CAPN1: variants seen among roughly 807,000 people sequenced by gnomAD.
CAPN1 encodes calpain 1, also known as calpain-1 catalytic subunit.
CAPN1 carries 77 observed loss-of-function variants against 105.2 expected under a neutral mutation model. The observed-to-expected ratio is 0.73, with a 90% CI of 0.61 to 0.88. CAPN1 has a LOEUF of 0.88. CAPN1 is among the 40% of genes least tolerant of loss of function. The probability of loss-of-function intolerance (pLI) is 0.00; values close to 1 mark genes in which losing one functional copy is unlikely to be tolerated. For missense variants in CAPN1, 833 were observed against 976.6 expected (o/e 0.85, Z 1.96); for synonymous variants, 355 against 388.8 (o/e 0.91, Z 1.02).
At position 65,206,889 on chromosome 11, in the gene CAPN1, A is replaced by T. The variant is rs1948969514; in HGVS notation, c.1605+70A>T. 4.8e-6 allele frequency: 7 copies of T among 1,451,714 alleles called. No homozygotes were observed. The Admixed American group carries it at 1.2e-4, about 24-fold the overall frequency. The allele number at this position is 1,451,714 out of a possible 1,614,324, so 89.9% of individuals were successfully genotyped here. A position where few individuals can be genotyped will look rare whatever the true frequency, so the allele number is the denominator to read the frequency against. ...ACCCCTGGGTGTGTGATGGGGACCC[A>T]GGTGTCCTGTCCCCTGAGTTCCTGC... is the stretch of plus-strand genomic sequence containing the variant. On this transcript the variant is annotated intron_variant, in intron 14 of 21. Coordinates refer to ENST00000279247, the MANE Select transcript of CAPN1 (RefSeq NM_005186.4).
At chr11:65,194,797 C>T (rs1404685752) in intron 10 of CAPN1, among the ~76,000 whole-genome samples, 3 of 152,162 alleles carry the variant, frequency 2.0e-5, no homozygotes, top group East Asian at 3.9e-4. Flanking sequence ...TGTGTTATTT[C>T]CAGTTTTTGG....
intron 10 of CAPN1, among the ~76,000 whole-genome samples, chr11:65,194,965 C>T (rs1205763438): frequency 6.6e-6 from 1 of 152,104 alleles, no homozygotes; most frequent in Non-Finnish European, 1.5e-5. Flanking sequence ...AAAGCAGCAG[C>T]ACCATTTTAT....
intron 10 of CAPN1, among the ~76,000 whole-genome samples, chr11:65,195,171 G>A (rs565654984): frequency 1.5e-4 from 21 of 143,852 alleles, no homozygotes; most frequent in Non-Finnish European, 2.5e-4. Flanking sequence ...GTGCAGTGGC[G>A]CCATCTCAGC....
At chr11:65,206,756 TC>T in intron 13 of CAPN1, 23 bp from the exon 14 acceptor site, 7 of 1,612,518 alleles carry the variant, frequency 4.3e-6, no homozygotes, top group Non-Finnish European at 5.1e-6. Flanking sequence ...TCTGACTGGC[TC>T]CTTTCCTCCC....
intron 10 of CAPN1, among the ~76,000 whole-genome samples, chr11:65,201,541 G>A (rs573768983): frequency 6.6e-6 from 1 of 151,916 alleles, no homozygotes; most frequent in South Asian, 2.1e-4. Flanking sequence ...TTTTTGAGAC[G>A]GAGTCTCGCT....
rs1035470711 is a variant in CAPN1, at chr11:65,183,548, G to A, written c.412G>A (p.Gly138Ser). The stretch of plus-strand genomic sequence containing the variant: ...CCTCCTGCACCGAGTGGTTCCGCAC[G>A]GCCAGAGCTTCCAGAATGGCTATGC... ...DTLLHRVVPHGQSFQNGYAGI... is the reference protein window; with the variant it reads ...DTLLHRVVPHSQSFQNGYAGI... Residue 138 changes from glycine (G) to serine (S), a missense_variant, in exon 4 of 22, where the codon GGC becomes AGC. Transcript: ENST00000279247. 7.4e-6 allele frequency: 12 copies of A among 1,613,882 alleles called. No individual in the cohort carries two copies. The highest frequency in any genetic ancestry group is 1.0e-5 in the Non-Finnish European group (12 of 1,179,806).
Position 65,208,272 on chromosome 11 carries a change from C to A in CAPN1, c.1729+10C>A. 6.4e-7 allele frequency: 1 copy of A among 1,556,390 alleles called. No individual in the cohort carries two copies. Among genetic ancestry groups the A allele is most frequent in the Non-Finnish European group, 8.7e-7 (1 of 1,149,636 alleles). On this transcript the variant is annotated intron_variant, in intron 16 of 21. Coordinates refer to ENST00000279247, the MANE Select transcript of CAPN1 (RefSeq NM_005186.4). The surrounding 1 kb of genome is among the most constrained non-coding windows in gnomAD (Gnocchi z 4.1). ...AGGATCATCAGCAAACGTGAGTCCC[C>A]GCGGGGCTGTCCCACCACCCCACCA...
intron 4 of CAPN1, among the ~76,000 whole-genome samples, chr11:65,184,614 G>T (rs1368542813): frequency 2.6e-5 from 4 of 152,104 alleles, no homozygotes; most frequent in African/African-American, 9.7e-5. Context: ...AACAAAGCCC[G>T]TGATTGTGAG....
In CAPN1 at chr11:65,183,065, G is replaced by C. The variant is rs928499971; in HGVS notation, c.268-63G>C. The C allele has an allele frequency of 3.5e-5, 57 of 1,609,666 alleles. No individual in the cohort carries two copies. In the South Asian group the frequency reaches 5.4e-4, roughly 15 times the overall value. On this transcript the variant is annotated intron_variant, in intron 2 of 21. Coordinates refer to ENST00000279247, the MANE Select transcript of CAPN1 (RefSeq NM_005186.4). ...GTCCCTGGTGGGGAATGGGGTCTGGGGTGGCCTGGTGCCAATTTCTGGGAG... is the reference window on the plus strand; with the variant it reads ...GTCCCTGGTGGGGAATGGGGTCTGGCGTGGCCTGGTGCCAATTTCTGGGAG...
At chr11:65,197,941 A>C (rs1054455461) in intron 10 of CAPN1, among the ~76,000 whole-genome samples, 1 of 147,004 alleles carries the variant, frequency 6.8e-6, no homozygotes, top group African/African-American at 2.5e-5. Context: ...TTGACTAGAG[A>C]GTTTAGTTCA....
intron 4 of CAPN1, 80 bp from the exon 5 acceptor site, chr11:65,185,837 A>G: frequency 7.0e-7 from 1 of 1,436,676 alleles, no homozygotes. Context: ...AGAATCCTGC[A>G]TCTAGGAAGG....
chr11:65,206,178 A>G lies in CAPN1; in HGVS notation c.1354-285A>G, dbSNP rs1948954433. 1.2e-5 allele frequency: 7 copies of G among 561,194 alleles called. No homozygotes were observed. In the Admixed American group the frequency reaches 1.9e-4, roughly 15 times the overall value. The allele number at this position is 561,194 out of a possible 1,614,324, so 34.8% of individuals were successfully genotyped here. On this transcript the variant is annotated intron_variant, in intron 12 of 21. Coordinates refer to ENST00000279247, the MANE Select transcript of CAPN1 (RefSeq NM_005186.4). ...GTACCCTGCAGTACCTGACCTGGGGAAAGCTCCCAGTGATAATAATGACAG... is the reference window on the plus strand; with the variant it reads ...GTACCCTGCAGTACCTGACCTGGGGGAAGCTCCCAGTGATAATAATGACAG...
intron 10 of CAPN1, among the ~76,000 whole-genome samples, chr11:65,191,118 T>C (rs144437827): frequency 6.6e-6 from 1 of 152,360 alleles, no homozygotes; most frequent in Non-Finnish European, 1.5e-5. Context: ...ATAGACCAAT[T>C]TGGGGAGACT....
chr11:65,204,747 C>G lies in CAPN1; in HGVS notation c.1230C>G (p.Tyr410Ter). The change falls in exon 11 of 22, where the codon TAC becomes TAG. Residue 410 changes from tyrosine to a stop codon, truncating the protein, a stop_gained. Transcript: ENST00000279247. LOFTEE classifies it high-confidence loss of function. ...ATGAGACGGATGACCCGGACGACTACGGGGACCGCGAGTCAGGCTGCAGCT... is the reference window on the plus strand; with the variant it reads ...ATGAGACGGATGACCCGGACGACTAGGGGGACCGCGAGTCAGGCTGCAGCT... The part of the protein sequence containing the change: ...RLDETDDPDD[Y>*]GDRESGCSFV... 1 of 1,613,126 alleles carries G rather than the reference C, an allele frequency of 6.2e-7. No homozygotes were observed. The highest frequency in any genetic ancestry group is 8.5e-7 in the Non-Finnish European group (1 of 1,179,856).
At chr11:65,187,587 T>C (rs937205908) in intron 7 of CAPN1, 1 of 510,714 alleles carries the variant, frequency 2.0e-6, no homozygotes, top group Non-Finnish European at 3.6e-6. Flanking sequence ...GGAGGCGGAG[T>C]GTTAAAGTGC....
rs1948680538 is a variant in CAPN1 at position 65,188,831 on chromosome 11, T to G, written c.1165+85T>G. On this transcript the variant is annotated intron_variant, in intron 10 of 21. Coordinates refer to ENST00000279247, the MANE Select transcript of CAPN1 (RefSeq NM_005186.4). The surrounding 1 kb of genome is among the most constrained non-coding windows in gnomAD (Gnocchi z 5.5). Reference sequence around the variant, plus strand: ...GTCATCTTACTGAGCCTCCGTTTCCTCACTTGCAAGATATAGGCTGATCTC... The same window carrying G: ...GTCATCTTACTGAGCCTCCGTTTCCGCACTTGCAAGATATAGGCTGATCTC... 1 of 1,136,268 alleles carries G rather than the reference T, an allele frequency of 8.8e-7. No individual in the cohort carries two copies. Among genetic ancestry groups the G allele is most frequent in the African/African-American group, 1.5e-5 (1 of 64,714 alleles). 70.4% of individuals were successfully genotyped at this position (1,136,268 alleles called of 1,614,324 possible).
intron 10 of CAPN1, among the ~76,000 whole-genome samples, chr11:65,201,317 G>A (rs1364300407): frequency 6.6e-6 from 1 of 151,898 alleles, no homozygotes; most frequent in South Asian, 2.1e-4. Context: ...GAACTCCTGG[G>A]CTCAAGCAGT....
In CAPN1 at chr11:65,211,887, C is replaced by T. The variant is rs1400441300; in HGVS notation, c.*601C>T. 1 of 156,996 alleles carries T rather than the reference C, an allele frequency of 6.4e-6. No individual in the cohort carries two copies. The highest frequency in any genetic ancestry group is 1.4e-5 in the Non-Finnish European group (1 of 70,572). The allele number at this position is 156,996 out of a possible 1,614,324, so 9.7% of individuals were successfully genotyped here. A position where few individuals can be genotyped will look rare whatever the true frequency, so the allele number is the denominator to read the frequency against. ...TTTATATTAGTGATTTTAAAGGGGACTCTTCAGGGACTTGTGTACTGGTTA... is the reference window on the plus strand; with the variant it reads ...TTTATATTAGTGATTTTAAAGGGGATTCTTCAGGGACTTGTGTACTGGTTA... On this transcript the variant is annotated 3_prime_UTR_variant, in exon 22 of 22. Transcript: ENST00000279247.
At position 65,183,268 on chromosome 11, in the gene CAPN1, C is replaced by T. The variant is rs1948574312; in HGVS notation, c.337+71C>T. On this transcript the variant is annotated intron_variant, in intron 3 of 21. Coordinates refer to ENST00000279247, the MANE Select transcript of CAPN1 (RefSeq NM_005186.4). ...TTCCCCATTCCCGCTCCTTCAGGCT[C>T]TGCCCCAACCCCTCCCTCTTGCAAG... 12 of 1,417,294 alleles carry T rather than the reference C, an allele frequency of 8.5e-6. No homozygotes were observed. The Admixed American group carries it at 2.0e-4, about 24-fold the overall frequency. 87.8% of individuals were successfully genotyped at this position (1,417,294 alleles called of 1,614,324 possible).
Sources: gnomAD v4.1 joint callset for allele counts (sites outside exome capture counted in the v4.1 genomes callset) on GRCh38, gnomAD v4.1.1 for gene constraint, Gnocchi (gnomAD v3.1) non-coding constraint, MANE v1.5 for transcripts, NCBI Gene and HGNC (gene_info 2026-07-23, HGNC 2026-07-21) for gene names.